CNTNAP3B: variants seen among roughly 807,000 people sequenced by gnomAD.
CNTNAP3B encodes the protein contactin associated protein family member 3B.
A neutral mutation model predicts 108.9 loss-of-function variants in CNTNAP3B; 25 were observed. The observed-to-expected ratio is 0.23, with a 90% CI of 0.17 to 0.32. CNTNAP3B has a LOEUF of 0.32. Ranked by LOEUF, CNTNAP3B falls within the 10% of genes least tolerant of loss-of-function variation. CNTNAP3B has a pLI of 1.00. For missense variants in CNTNAP3B, 252 were observed against 1,210.4 expected (o/e 0.21, Z 11.75); for synonymous variants, 103 against 473.4 (o/e 0.22, Z 10.16).
chr9:41,959,403 C>A (rs1197420711), intron 12 of CNTNAP3B, among the ~76,000 whole-genome samples: 2 of 152,282 alleles, frequency 1.3e-5, no homozygotes, highest in Non-Finnish European at 2.9e-5. Context: ...GAAAAGAGAC[C>A]AGAGTTTAGT....
intron 1 of CNTNAP3B, among the ~76,000 whole-genome samples, chr9:42,119,333 T>C (rs1465857106): frequency 7.7e-6 from 1 of 130,184 alleles, no homozygotes; most frequent in Non-Finnish European, 1.6e-5. Context: ...TAAAAGAGGA[T>C]ACAAACAAAT....
chr9:41,930,388 C>G (rs980839692), intron 14 of CNTNAP3B, among the ~76,000 whole-genome samples: 3 of 152,284 alleles, frequency 2.0e-5, no homozygotes, highest in Non-Finnish European at 4.4e-5. Flanking sequence ...ACAAAAAATA[C>G]AAAAATTAGC....
chr9:42,055,332 A>G (rs978376600), intron 3 of CNTNAP3B, among the ~76,000 whole-genome samples: 2 of 136,576 alleles, frequency 1.5e-5, no homozygotes, highest in East Asian at 4.5e-4. Context: ...GGGAATTTCA[A>G]ATGGGAGAAT....
intron 11 of CNTNAP3B, among the ~76,000 whole-genome samples, chr9:41,964,020 C>A (rs1482985979): frequency 2.0e-5 from 3 of 152,038 alleles, no homozygotes; most frequent in African/African-American, 7.2e-5. Context: ...TCTTAAAGGT[C>A]CTCTAGTTTC....
At chr9:42,096,484 C>T (rs1253391013) in intron 2 of CNTNAP3B, among the ~76,000 whole-genome samples, 1 of 137,324 alleles carries the variant, frequency 7.3e-6, no homozygotes, top group Non-Finnish European at 1.6e-5. Flanking sequence ...GCAATGATCC[C>T]CTTTTCTCTA....
At chr9:41,950,471 T>C (rs1400001735) in intron 13 of CNTNAP3B, among the ~76,000 whole-genome samples, 1 of 124,512 alleles carries the variant, frequency 8.0e-6, no homozygotes, top group Non-Finnish European at 1.7e-5. Flanking sequence ...TGCCCCAAAC[T>C]GTAAACAAAC....
intron 1 of CNTNAP3B, among the ~76,000 whole-genome samples, chr9:42,124,096 C>T (rs1828517061): frequency 7.2e-6 from 1 of 138,374 alleles, no homozygotes; most frequent in Non-Finnish European, 1.5e-5. Flanking sequence ...TTAATTGCTG[C>T]CTAATTAAGT....
intron 1 of CNTNAP3B, among the ~76,000 whole-genome samples, chr9:42,116,051 G>T (rs1353613504): frequency 7.2e-6 from 1 of 139,748 alleles, no homozygotes; most frequent in Non-Finnish European, 1.5e-5. Flanking sequence ...GAAAACCATG[G>T]CACTAGAACT....
At chr9:42,035,866 T>C (rs1490963411) in intron 3 of CNTNAP3B, among the ~76,000 whole-genome samples, 10 of 144,136 alleles carry the variant, frequency 6.9e-5, no homozygotes, top group South Asian at 6.5e-4. Flanking sequence ...GGTCTTGCTA[T>C]GTTGCCCTGG....
At chr9:41,969,923 T>C (rs1825393335) in intron 10 of CNTNAP3B, among the ~76,000 whole-genome samples, 151 bp downstream of exon 10, 1 of 146,344 alleles carries the variant, frequency 6.8e-6, no homozygotes, top group African/African-American at 2.6e-5. Flanking sequence ...GATGAAGTTT[T>C]CTAATCCTCA....
intron 9 of CNTNAP3B, among the ~76,000 whole-genome samples, chr9:41,981,901 T>C (rs1825635478): frequency 2.4e-5 from 1 of 41,836 alleles, no homozygotes; most frequent in African/African-American, 6.2e-5. Context: ...ACAATAATAA[T>C]AATAATAATA....
At chr9:41,921,166 C>T (rs1366624708) in intron 17 of CNTNAP3B, among the ~76,000 whole-genome samples, 5 of 151,986 alleles carry the variant, frequency 3.3e-5, no homozygotes, top group Non-Finnish European at 5.9e-5. Context: ...GAAGCCAGTG[C>T]TTCATCCACC....
chr9:42,070,880 A>G (rs1326539784), intron 3 of CNTNAP3B, among the ~76,000 whole-genome samples: 1 of 151,702 alleles, frequency 6.6e-6, no homozygotes, highest in Non-Finnish European at 1.5e-5. Context: ...ACTGCCCCAA[A>G]AACGTCCCAT....
intron 18 of CNTNAP3B, among the ~76,000 whole-genome samples, chr9:41,917,416 T>C (rs1588037407): frequency 1.4e-5 from 2 of 141,356 alleles, no homozygotes; most frequent in East Asian, 4.0e-4. Flanking sequence ...CTGTTCCAAA[T>C]AGAAATCAGT....
intron 4 of CNTNAP3B, among the ~76,000 whole-genome samples, chr9:42,013,145 GT>G (rs1210943377): frequency 8.2e-6 from 1 of 121,500 alleles, no homozygotes; most frequent in Non-Finnish European, 1.7e-5. Context: ...AGACAGGTAA[GT>G]TTCAGTTCAG....
intron 2 of CNTNAP3B, among the ~76,000 whole-genome samples, chr9:42,087,037 G>A (rs62558907): frequency 0.013 from 1,721 of 135,770 alleles, 114 homozygotes; most frequent in South Asian, 0.057. Flanking sequence ...CACACCTTTC[G>A]TAAGATCTAC....
chr9:41,964,267 A>G (rs1825196260), intron 11 of CNTNAP3B, among the ~76,000 whole-genome samples: 1 of 151,858 alleles, frequency 6.6e-6, no homozygotes, highest in Non-Finnish European at 1.5e-5. Context: ...TTTAGTTTCT[A>G]CCTTTTACTA....
intron 18 of CNTNAP3B, among the ~76,000 whole-genome samples, chr9:41,917,117 T>C (rs1341528936): frequency 1.3e-5 from 2 of 152,282 alleles, no homozygotes; most frequent in Non-Finnish European, 2.9e-5. Flanking sequence ...TTTCAAATAT[T>C]TTTTTCTGAT....
chr9:42,103,013 T>A (rs1231241899), intron 2 of CNTNAP3B, among the ~76,000 whole-genome samples: 1 of 117,250 alleles, frequency 8.5e-6, no homozygotes, highest in Non-Finnish European at 1.7e-5. Context: ...CACGATGAGT[T>A]ACAGGAACAT....
Sources: allele counts gnomAD v4.1 joint callset (sites outside exome capture counted in the v4.1 genomes callset), GRCh38; gene constraint gnomAD v4.1.1; transcripts MANE v1.5; gene names NCBI Gene and HGNC (gene_info 2026-07-23, HGNC 2026-07-21).